BBS9: variants seen among roughly 807,000 people sequenced by gnomAD.
The protein encoded by BBS9 is Bardet-Biedl syndrome 9.
In BBS9, 89 loss-of-function variants were observed where a neutral mutation model predicts 117.7. The ratio of observed to expected loss-of-function variants is 0.76; its 90% CI spans 0.64 to 0.90. BBS9 has a LOEUF of 0.90. Among genes scored for constraint, BBS9 ranks in the 40% least tolerant of loss-of-function variants. The pLI is 0.00. For synonymous variants in BBS9, 379 were observed against 370.9 expected, an observed-to-expected ratio of 1.02 and a Z score of -0.25; for missense variants, 982 against 1,042.2, an observed-to-expected ratio of 0.94 and a Z score of 0.80.
At chr7:33,372,001 G>A (rs1171920194) in intron 17 of BBS9, among the ~76,000 whole-genome samples, 7 of 152,194 alleles carry the variant, frequency 4.6e-5, no homozygotes, top group Non-Finnish European at 7.3e-5. Context: ...GTGACGATTA[G>A]AGAAAACTGA....
At chr7:33,143,265 G>A (rs1185152619) in intron 1 of BBS9, among the ~76,000 whole-genome samples, 12 of 152,074 alleles carry the variant, frequency 7.9e-5, no homozygotes, top group Admixed American at 2.6e-4. Flanking sequence ...CACTGTGCCC[G>A]GCCCTATGTT....
At chr7:33,266,964 C>T (rs185674418) in intron 7 of BBS9, among the ~76,000 whole-genome samples, 1 of 152,140 alleles carries the variant, frequency 6.6e-6, no homozygotes, top group Non-Finnish European at 1.5e-5. Flanking sequence ...AGACTGGTCT[C>T]GATCTCTTGA....
chr7:33,330,554 A>G (rs1434231202), intron 9 of BBS9, among the ~76,000 whole-genome samples: 1 of 152,154 alleles, frequency 6.6e-6, no homozygotes, highest in Non-Finnish European at 1.5e-5. Flanking sequence ...TACCATCTCA[A>G]AGGGAGATAA....
chr7:33,407,387 C>T (rs1830220536), intron 19 of BBS9, among the ~76,000 whole-genome samples: 1 of 152,204 alleles, frequency 6.6e-6, no homozygotes, highest in African/African-American at 2.4e-5. Context: ...GAATTTCCTC[C>T]TGTAGCTCGG....
At chr7:33,471,429 T>C (rs1039433079) in intron 19 of BBS9, among the ~76,000 whole-genome samples, 2 of 152,208 alleles carry the variant, frequency 1.3e-5, no homozygotes, top group Non-Finnish European at 2.9e-5. Context: ...TCATTAGAAC[T>C]CCCTGAGGCT....
At chr7:33,508,546 T>C (rs1410770131) in intron 20 of BBS9, among the ~76,000 whole-genome samples, 1 of 152,224 alleles carries the variant, frequency 6.6e-6, no homozygotes, top group Non-Finnish European at 1.5e-5. Flanking sequence ...TGGGGCTACA[T>C]GTGAATGAGA....
intron 5 of BBS9, among the ~76,000 whole-genome samples, chr7:33,189,913 G>C (rs1783807730): frequency 1.3e-5 from 2 of 150,228 alleles, no homozygotes. Flanking sequence ...GTAGATACAA[G>C]GTCTGGCTAT....
At chr7:33,449,523 G>C (rs1331763941) in intron 19 of BBS9, among the ~76,000 whole-genome samples, 7 of 152,100 alleles carry the variant, frequency 4.6e-5, no homozygotes, top group Non-Finnish European at 1.0e-4. Flanking sequence ...ATGACTTCCT[G>C]TGTGGACAGG....
Position 33,467,129 on chromosome 7 carries a change from G to A in BBS9, c.2116-38334G>A, listed in dbSNP as rs894602681. ...TATGGGTTACCTTTTCAGTGGGGGC[G>A]GAGGCTGTGATTAAAGATGGTCTGA... On this transcript the variant is annotated intron_variant, in intron 19 of 22. Coordinates refer to ENST00000242067, the MANE Select transcript of BBS9 (RefSeq NM_198428.3). 4.6e-5 allele frequency among the ~76,000 whole-genome samples: 7 copies of A among 152,040 alleles called. No homozygotes were observed. The East Asian group carries it at 5.8e-4, about 13-fold the overall frequency.
chr7:33,509,965 G>A (rs988164963), intron 20 of BBS9, among the ~76,000 whole-genome samples: 3 of 152,096 alleles, frequency 2.0e-5, no homozygotes, highest in African/African-American at 4.8e-5. Context: ...CTATTTTGGG[G>A]CAAATAAATG....
rs563979627 is a variant in BBS9, at chr7:33,457,167, C to T, written c.2116-48296C>T. Among the ~76,000 whole-genome samples the T allele has an allele frequency of 3.9e-5, 6 of 152,196 alleles. No homozygotes were observed. The East Asian group carries it at 5.8e-4, about 15-fold the overall frequency. On this transcript the variant is annotated intron_variant, in intron 19 of 22. Coordinates refer to ENST00000242067, the MANE Select transcript of BBS9 (RefSeq NM_198428.3). ...GGGTCTCTTTAGACATTGTTTACAC[C>T]GAGGGTCATCTTTCTGGAAGATGCA...
At chr7:33,388,267 A>T in intron 19 of BBS9, 123 bp downstream of exon 19, 5 of 1,217,136 alleles carry the variant, frequency 4.1e-6, no homozygotes, top group Admixed American at 1.9e-5. Flanking sequence ...AACAGTGAAC[A>T]GTGCACAAGC....
intron 20 of BBS9, among the ~76,000 whole-genome samples, chr7:33,516,509 A>AAAAAAAAC (rs1847838183): frequency 6.7e-6 from 1 of 149,786 alleles, no homozygotes; most frequent in African/African-American, 2.5e-5. Flanking sequence ...AAAAAAAAAA[A>AAAAAAAAC]AAGAGTTGAT....
At chr7:33,286,426 A>T (rs1472674156) in intron 9 of BBS9, among the ~76,000 whole-genome samples, 2 of 152,130 alleles carry the variant, frequency 1.3e-5, no homozygotes, top group African/African-American at 4.8e-5. Flanking sequence ...GGTCCCGGAG[A>T]TCATTTCTAT....
intron 19 of BBS9, among the ~76,000 whole-genome samples, chr7:33,411,957 C>T (rs958347445): frequency 2.1e-4 from 32 of 151,858 alleles, no homozygotes; most frequent in African/African-American, 7.5e-4. Flanking sequence ...TAGTCATTTA[C>T]CATTGAGGAT....
chr7:33,615,163 G>C (rs1305859578), intron 21 of BBS9, among the ~76,000 whole-genome samples: 1 of 151,944 alleles, frequency 6.6e-6, no homozygotes, highest in Non-Finnish European at 1.5e-5. Flanking sequence ...GTTTACCACA[G>C]TTCTTTTTAC....
chr7:33,344,509 C>A, intron 11 of BBS9, 72 bp from the exon 12 acceptor site: 3 of 1,279,220 alleles, frequency 2.3e-6, no homozygotes, highest in Non-Finnish European at 3.4e-6. Flanking sequence ...ATACATTGCA[C>A]TCATTGTGTT....
At chr7:33,217,841 A>G (rs1037902469) in intron 5 of BBS9, among the ~76,000 whole-genome samples, 5 of 152,198 alleles carry the variant, frequency 3.3e-5, no homozygotes, top group African/African-American at 1.2e-4. Flanking sequence ...GGCTGGAGTA[A>G]GCTTTTTGAA....
At chr7:33,581,235 A>G (rs1039904641) in intron 21 of BBS9, among the ~76,000 whole-genome samples, 1 of 152,130 alleles carries the variant, frequency 6.6e-6, no homozygotes, top group Admixed American at 6.6e-5. Flanking sequence ...CACTTGTTTC[A>G]AAAATAAGTA....
Sources: gnomAD v4.1 joint callset for allele counts (sites outside exome capture counted in the v4.1 genomes callset) on GRCh38, gnomAD v4.1.1 for gene constraint, MANE v1.5 for transcripts, NCBI Gene and HGNC (gene_info 2026-07-23, HGNC 2026-07-21) for gene names.